Variants in TENM3 observed in about 807,000 individuals in gnomAD.
TENM3 encodes teneurin transmembrane protein 3.
A neutral mutation model predicts 255.1 loss-of-function variants in TENM3; 63 were observed. The ratio of observed to expected loss-of-function variants is 0.25; its 90% CI spans 0.20 to 0.30. TENM3 has a LOEUF of 0.30. Ranked by LOEUF, TENM3 falls within the 10% of genes least tolerant of loss-of-function variation. TENM3 has a pLI of 1.00. For synonymous variants in TENM3, 1,306 were observed against 1,322.3 expected (o/e 0.99, Z 0.27); for missense variants, 2,929 against 3,461.1 (o/e 0.85, Z 3.86).
the TENM3 span, among the ~76,000 whole-genome samples, chr4:181,776,693 T>C: frequency 5.3e-5 from 8 of 152,180 alleles, no homozygotes; most frequent in African/African-American, 1.9e-4. Context: ...CATTTTTTCA[T>C]GTACCTGTTG....
At chr4:182,782,626 CG>C (rs1331522121) in intron 24 of TENM3, among the ~76,000 whole-genome samples, 1 of 40,376 alleles carries the variant, frequency 2.5e-5, no homozygotes, top group African/African-American at 1.2e-4. Flanking sequence ...CTTTCTGTCT[CG>C]TTGATCTGTC....
chr4:182,067,648 A>G, the TENM3 span, among the ~76,000 whole-genome samples: 4 of 152,160 alleles, frequency 2.6e-5, no homozygotes, highest in African/African-American at 9.7e-5. Context: ...GAAGAAACCT[A>G]GTTTCTGCCT....
the TENM3 span, among the ~76,000 whole-genome samples, chr4:181,733,377 T>G: frequency 6.6e-6 from 1 of 152,248 alleles, no homozygotes; most frequent in Non-Finnish European, 1.5e-5. Context: ...TGTATATCTT[T>G]ATAATCTCAG....
At chr4:181,944,071 A>C in the TENM3 span, among the ~76,000 whole-genome samples, 1 of 152,270 alleles carries the variant, frequency 6.6e-6, no homozygotes, top group Non-Finnish European at 1.5e-5. Flanking sequence ...CACCAGGAGC[A>C]GGTATTAGTC....
chr4:182,411,482 A>G (rs1769982113), intron 3 of TENM3, among the ~76,000 whole-genome samples: 1 of 152,218 alleles, frequency 6.6e-6, no homozygotes, highest in Admixed American at 6.5e-5. Context: ...TCAAAACTTC[A>G]GTTTGCAAAA....
At chr4:182,125,943 C>T in the TENM3 span, among the ~76,000 whole-genome samples, 1 of 151,986 alleles carries the variant, frequency 6.6e-6, no homozygotes, top group Non-Finnish European at 1.5e-5. Context: ...TTTAAATTAA[C>T]AAGTAACAAA....
At chr4:181,652,898 A>C in the TENM3 span, among the ~76,000 whole-genome samples, 1 of 152,238 alleles carries the variant, frequency 6.6e-6, no homozygotes, top group Non-Finnish European at 1.5e-5. Flanking sequence ...GACCTTTGCC[A>C]AGATCTTTAA....
At chr4:182,494,205 G>A (rs1037452508) in intron 3 of TENM3, among the ~76,000 whole-genome samples, 1 of 152,120 alleles carries the variant, frequency 6.6e-6, no homozygotes, top group African/African-American at 2.4e-5. Flanking sequence ...ATCAGTGTAT[G>A]ATATTCTGTT....
At chr4:182,633,616 G>A (rs1467683414) in intron 5 of TENM3, among the ~76,000 whole-genome samples, 1 of 152,208 alleles carries the variant, frequency 6.6e-6, no homozygotes, top group Non-Finnish European at 1.5e-5. Flanking sequence ...TATCTGCCAT[G>A]GTGCATGTGC....
At chr4:181,476,417 G>T in the TENM3 span, among the ~76,000 whole-genome samples, 1 of 152,208 alleles carries the variant, frequency 6.6e-6, no homozygotes, top group South Asian at 2.1e-4. Flanking sequence ...TTATGGACGT[G>T]CAATCCTATC....
chr4:182,603,706 C>T (rs922451367), intron 4 of TENM3, among the ~76,000 whole-genome samples: 2 of 148,466 alleles, frequency 1.3e-5, no homozygotes, highest in Non-Finnish European at 3.0e-5. Context: ...TTTATCCAGA[C>T]TTGTGTCTGC....
At position 182,346,915 on chromosome 4, in the gene TENM3, C is replaced by A. The variant is rs1764856744; in HGVS notation, c.497C>A (p.Ser166Tyr). 1 of 1,606,390 alleles carries A rather than the reference C, an allele frequency of 6.2e-7. No individual in the cohort carries two copies. The highest frequency in any genetic ancestry group is 1.7e-5 in the Admixed American group (1 of 59,438). ...ACAGATACGGAGCACGAAAACAAGTCCGACAGTGAGAATGGTAAGTTTCCT... is the reference window on the plus strand; with the variant it reads ...ACAGATACGGAGCACGAAAACAAGTACGACAGTGAGAATGGTAAGTTTCCT... ...TLTDTEHENK[S>Y]DSENEQPASN... Residue 166 changes from serine (S) to tyrosine (Y), a missense_variant, in exon 3 of 28, where the codon TCC (serine) becomes TAC (tyrosine). By Grantham distance (144) the Ser-to-Tyr change is moderately radical (BLOSUM62 -2). This residue lies in a region of TENM3 where 283 missense variants were observed against 256.9 expected (regional missense o/e 1.10). Transcript: ENST00000511685.
At chr4:181,510,454 G>C in the TENM3 span, among the ~76,000 whole-genome samples, 3 of 151,796 alleles carry the variant, frequency 2.0e-5, no homozygotes, top group African/African-American at 7.3e-5. Flanking sequence ...TTCTCCAAGG[G>C]GTAAAAGTGT....
At chr4:181,608,815 G>T in the TENM3 span, among the ~76,000 whole-genome samples, 1 of 152,154 alleles carries the variant, frequency 6.6e-6, no homozygotes, top group Non-Finnish European at 1.5e-5. Flanking sequence ...AGTTGATTGG[G>T]ATGGAGCCTG....
the TENM3 span, among the ~76,000 whole-genome samples, chr4:181,469,585 C>G: frequency 1.3e-5 from 2 of 152,170 alleles, no homozygotes; most frequent in Non-Finnish European, 2.9e-5. Flanking sequence ...AGCCATAGTT[C>G]ATGGCCAGAA....
chr4:182,116,298 T>G, the TENM3 span, among the ~76,000 whole-genome samples: 2 of 152,188 alleles, frequency 1.3e-5, no homozygotes, highest in African/African-American at 2.4e-5. Context: ...GTATGTAGCC[T>G]TTTCAGACTG....
the TENM3 span, among the ~76,000 whole-genome samples, chr4:181,783,889 G>A: frequency 3.9e-5 from 6 of 152,040 alleles, no homozygotes; most frequent in Non-Finnish European, 5.9e-5. Flanking sequence ...TTGAAGAGAC[G>A]CAGGTCTCAC....
intron 3 of TENM3, among the ~76,000 whole-genome samples, chr4:182,544,940 T>C (rs1189870117): frequency 1.3e-5 from 2 of 152,188 alleles, no homozygotes; most frequent in East Asian, 3.9e-4. Flanking sequence ...TTAGGGTAGA[T>C]CAGGAACCAT....
At chr4:182,130,993 T>G in the TENM3 span, among the ~76,000 whole-genome samples, 1 of 152,172 alleles carries the variant, frequency 6.6e-6, no homozygotes, top group African/African-American at 2.4e-5. Context: ...AAATTGTTAT[T>G]TGATAACAGT....
Sources: allele counts gnomAD v4.1 joint callset (sites outside exome capture counted in the v4.1 genomes callset), GRCh38; gene constraint gnomAD v4.1.1; regional missense constraint gnomAD v4.1.1; transcripts MANE v1.5; gene names NCBI Gene and HGNC (gene_info 2026-07-23, HGNC 2026-07-21).